Variants in PTDSS2 observed in about 807,000 individuals in gnomAD.
PTDSS2 encodes the protein PSS-2.
In PTDSS2, 41 loss-of-function variants were observed where a neutral mutation model predicts 64.7. That is an observed-to-expected ratio of 0.63 (90% CI 0.49 to 0.82). The LOEUF (loss-of-function observed/expected upper bound fraction) is 0.82, where lower values mean the gene tolerates loss of function less well. Ranked by LOEUF, PTDSS2 falls within the 40% of genes least tolerant of loss-of-function variation. The pLI is 0.00. For synonymous variants in PTDSS2, 297 were observed against 277.8 expected (o/e 1.07, Z -0.69); for missense variants, 485 against 650.0 (o/e 0.75, Z 2.76).
At chr11:468,581 T>A (rs1847247739) in intron 2 of PTDSS2, among the ~76,000 whole-genome samples, 1 of 152,230 alleles carries the variant, frequency 6.6e-6, no homozygotes. Context: ...ACTTTGGAAA[T>A]GAGCAGTGTC....
At position 490,049 on chromosome 11, in the gene PTDSS2, G is replaced by T. The variant is rs371655037; in HGVS notation, c.1282G>T (p.Val428Phe). The change falls in exon 11 of 12, where the codon GTC becomes TTC. Residue 428 changes from valine (V) to phenylalanine (F), a missense_variant. Around this residue, in one of 3 missense-constraint regions of PTDSS2, gnomAD observed 219 missense variants for 257.3 expected, o/e 0.85. Transcript: ENST00000308020. ...CTCCGTCCTGGCGCTCACCTGGACC[G>T]TCTGGCGCTTCTTCCTGCGGTGAGT... ...LGSVLALTWT[V>F]WRFFLRDITL... 6.2e-7 allele frequency: 1 copy of T among 1,608,616 alleles called. No individual in the cohort carries two copies. The highest frequency in any genetic ancestry group is 8.5e-7 in the Non-Finnish European group (1 of 1,179,666).
At chr11:478,037 CCT>C (rs1036663777) in intron 3 of PTDSS2, among the ~76,000 whole-genome samples, 2 of 152,328 alleles carry the variant, frequency 1.3e-5, no homozygotes, top group East Asian at 3.9e-4. Flanking sequence ...AGTCCGAAAA[CCT>C]CACGTCTGCA....
intron 1 of PTDSS2, chr11:451,341 T>C: frequency 2.3e-6 from 1 of 439,844 alleles, no homozygotes; most frequent in South Asian, 1.6e-5. Context: ...AGTGTGGCAC[T>C]CTGTGTCCAG....
chr11:464,466 G>A (rs534819052), intron 2 of PTDSS2, among the ~76,000 whole-genome samples: 21 of 151,406 alleles, frequency 1.4e-4, no homozygotes, highest in African/African-American at 4.4e-4. Context: ...CGGGCAGTGC[G>A]GAGGCATCTC....
At position 450,538 on chromosome 11, in the gene PTDSS2, C is replaced by T; in HGVS notation, c.83C>T (p.Pro28Leu). 4.8e-6 allele frequency: 6 copies of T among 1,241,792 alleles called. No individual in the cohort carries two copies. Among genetic ancestry groups the T allele is most frequent in the Non-Finnish European group, 6.1e-6 (6 of 985,706 alleles). The allele number at this position is 1,241,792 out of a possible 1,614,324, so 76.9% of individuals were successfully genotyped here. A position where few individuals can be genotyped will look rare whatever the true frequency, so the allele number is the denominator to read the frequency against. Residue 28 changes from proline (P) to leucine (L), a missense_variant, in exon 1 of 12, where the codon CCG becomes CTG. Coordinates refer to ENST00000308020, the MANE Select transcript of PTDSS2 (RefSeq NM_030783.3). ...VPAGRASLEE[P>L]PDGPSAGQAT... Reference sequence around the variant, plus strand: ...GCGGGCAGGGCCTCGCTGGAGGAGCCGCCTGACGGGCCGTCTGCCGGCCAA... The same window carrying T: ...GCGGGCAGGGCCTCGCTGGAGGAGCTGCCTGACGGGCCGTCTGCCGGCCAA...
intron 3 of PTDSS2, among the ~76,000 whole-genome samples, chr11:475,316 C>G (rs902619418): frequency 1.0e-5 from 1 of 99,740 alleles, no homozygotes; most frequent in Non-Finnish European, 2.0e-5. Context: ...CATATTCACG[C>G]GTTTGTGTGA....
At chr11:485,116 G>GGC (rs1848268172) in intron 4 of PTDSS2, among the ~76,000 whole-genome samples, 1 of 136,306 alleles carries the variant, frequency 7.3e-6, no homozygotes, top group Non-Finnish European at 1.6e-5. Context: ...ACAGTGCACG[G>GGC]GCGCGTGTGC....
In PTDSS2 at chr11:490,498, C is replaced by T. The variant is rs752454808; in HGVS notation, c.1380C>T (p.Asn460=). The T allele has an allele frequency of 3.7e-5, 60 of 1,613,006 alleles. No homozygotes were observed. The highest frequency in any genetic ancestry group is 1.4e-4 in the South Asian group (13 of 91,070). ...ATGACCAGGGCAGCACCGTCGGCAA[C>T]GGGGACCAGCACCCACTGGGGCTGG... The part of the protein sequence containing the change: ...NKDDQGSTVG[N]GDQHPLGLDE... The change falls in exon 12 of 12, where the codon AAC becomes AAT. Residue 460 remains asparagine, a synonymous_variant. Transcript: ENST00000308020.
Position 460,539 on chromosome 11 carries a change from G to A in PTDSS2, c.284+251G>A, listed in dbSNP as rs1351065880. ...GAGTCTGTGTCATCTCCACGTGACC[G>A]GCAGCCTGTGCTGCGTTTCCTCTGA... On this transcript the variant is annotated intron_variant, in intron 2 of 11. Transcript: ENST00000308020. The surrounding 1 kb of genome is among the most constrained non-coding windows in gnomAD (Gnocchi z 5.8). 11 of 476,746 alleles carry A rather than the reference G, an allele frequency of 2.3e-5. No homozygotes were observed. Among genetic ancestry groups the A allele is most frequent in the South Asian group, 1.8e-4 (7 of 39,026 alleles). 29.5% of individuals were successfully genotyped at this position (476,746 alleles called of 1,614,324 possible).
At position 488,249 on chromosome 11, in the gene PTDSS2, C is replaced by T. The variant is rs760229766; in HGVS notation, c.672C>T (p.Phe224=). ...WWMCMIISVM[F]EFLEYSLEHQ... ...TGTGCATGATCATCAGCGTGATGTT[C>T]GAGTTCCTGGAGTACAGCCTGGAGC... The change falls in exon 7 of 12, where the codon TTC becomes TTT. Residue 224 remains phenylalanine (F), a synonymous_variant. Coordinates refer to ENST00000308020, the MANE Select transcript of PTDSS2 (RefSeq NM_030783.3). 4.3e-6 allele frequency: 7 copies of T among 1,613,450 alleles called. No individual in the cohort carries two copies. Among genetic ancestry groups the T allele is most frequent in the African/African-American group, 1.3e-5 (1 of 74,902 alleles).
intron 4 of PTDSS2, among the ~76,000 whole-genome samples, chr11:486,575 G>A (rs1848398966): frequency 6.6e-6 from 1 of 152,184 alleles, no homozygotes; most frequent in South Asian, 2.1e-4. Flanking sequence ...GGGCGTGGTG[G>A]CTCACGGCTG....
intron 2 of PTDSS2, among the ~76,000 whole-genome samples, chr11:466,636 T>C (rs933933492): frequency 6.6e-6 from 1 of 152,082 alleles, no homozygotes; most frequent in African/African-American, 2.4e-5. Flanking sequence ...CTGAAACTCC[T>C]GGCCTCAAGT....
intron 1 of PTDSS2, among the ~76,000 whole-genome samples, chr11:456,170 C>CTTTTTTTTT (rs71022912): frequency 8.7e-5 from 10 of 114,894 alleles, no homozygotes; most frequent in Non-Finnish European, 1.6e-4. Flanking sequence ...TTCTTTCATT[C>CTTTTTTTTT]TTTTTTTTTT....
rs543907371 is a variant in PTDSS2, at chr11:460,140, A to G, written c.183-47A>G. On this transcript the variant is annotated intron_variant, in intron 1 of 11. Coordinates refer to ENST00000308020, the MANE Select transcript of PTDSS2 (RefSeq NM_030783.3). The surrounding 1 kb of genome is among the most constrained non-coding windows in gnomAD (Gnocchi z 5.8). ...GGGCCTGTTACGTGAGTATTTAGCA[A>G]TGCTGCCCAAGCTCTGACACCATGC... 63 of 1,505,236 alleles carry G rather than the reference A, an allele frequency of 4.2e-5. No homozygotes were observed. In the African/African-American group the frequency reaches 6.6e-4, roughly 16 times the overall value. The allele number at this position is 1,505,236 out of a possible 1,614,324, so 93.2% of individuals were successfully genotyped here.
chr11:459,827 G>A (rs1846790094), intron 1 of PTDSS2: 2 of 232,824 alleles, frequency 8.6e-6, no homozygotes, highest in South Asian at 1.2e-4. Context: ...TTGTTGTCTC[G>A]GCTTGTCTTG....
chr11:488,061 G>A (rs1173381748), intron 6 of PTDSS2, 138 bp from the exon 7 acceptor site: 2 of 617,788 alleles, frequency 3.2e-6, no homozygotes, highest in East Asian at 2.8e-5. Flanking sequence ...GGTGGGGGCT[G>A]CACGCACCCG....
rs1848637792 is a variant in PTDSS2, at chr11:490,711, G to T, written c.*129G>T. On this transcript the variant is annotated 3_prime_UTR_variant, in exon 12 of 12. Coordinates refer to ENST00000308020, the MANE Select transcript of PTDSS2 (RefSeq NM_030783.3). ...TTTTTTGCTTTTCTCCTGTGCACCT[G>T]GCGAGGCTGAAGGCGAGGGGTGGAG... 2 of 985,486 alleles carry T rather than the reference G, an allele frequency of 2.0e-6. No homozygotes were observed. The highest frequency in any genetic ancestry group is 2.9e-6 in the Non-Finnish European group (2 of 685,314). 61.0% of individuals were successfully genotyped at this position (985,486 alleles called of 1,614,324 possible). A position where few individuals can be genotyped will look rare whatever the true frequency, so the allele number is the denominator to read the frequency against.
At chr11:480,977 G>A (rs1005814984) in intron 4 of PTDSS2, among the ~76,000 whole-genome samples, 2 of 151,932 alleles carry the variant, frequency 1.3e-5, no homozygotes, top group Non-Finnish European at 2.9e-5. Flanking sequence ...CCAGCTGCTC[G>A]GGAGGCTGAG....
intron 1 of PTDSS2, among the ~76,000 whole-genome samples, chr11:453,235 C>G (rs1846425999): frequency 6.6e-6 from 1 of 152,172 alleles, no homozygotes; most frequent in African/African-American, 2.4e-5. Context: ...GGGGAACATC[C>G]AGAGGAAAAC....
Sources: gnomAD v4.1 joint callset for allele counts (sites outside exome capture counted in the v4.1 genomes callset) on GRCh38, gnomAD v4.1.1 for gene constraint, gnomAD v4.1.1 regional missense constraint, Gnocchi (gnomAD v3.1) non-coding constraint, MANE v1.5 for transcripts, NCBI Gene and HGNC (gene_info 2026-07-23, HGNC 2026-07-21) for gene names.